Variants in RBM12 observed in about 807,000 individuals in gnomAD.
RBM12 encodes RNA binding motif protein 12, also known as RNA-binding protein 12.
A neutral mutation model predicts 37.2 loss-of-function variants in RBM12; 24 were observed. The observed-to-expected ratio is 0.65, with a 90% confidence interval of 0.47 to 0.91. The LOEUF is 0.91. RBM12 is among the 40% of genes least tolerant of loss of function. The probability of loss-of-function intolerance (pLI) is 0.00; values close to 1 mark genes in which losing one functional copy is unlikely to be tolerated. For missense variants in RBM12, 1,061 were observed against 1,183.2 expected (o/e 0.90, Z 1.52); for synonymous variants, 420 against 425.2 (o/e 0.99, Z 0.15).
intron 2 of RBM12, 122 bp downstream of exon 2, chr20:35,658,808 C>T: frequency 9.9e-6 from 4 of 403,812 alleles, no homozygotes; most frequent in South Asian, 2.5e-5. Flanking sequence ...CAAAAACACA[C>T]ACACACACAC....
At chr20:35,664,640 C>G (rs528535661) in intron 1 of RBM12, 120 bp downstream of exon 1, 2 of 152,638 alleles carry the variant, frequency 1.3e-5, no homozygotes, top group South Asian at 2.1e-4. Flanking sequence ...TGCCTCGACC[C>G]TTTGTGTGGG....
Position 35,653,223 on chromosome 20 carries a change from T to C in RBM12, c.2100A>G (p.Ala700=), listed in dbSNP as rs1016477529. 1.9e-6 allele frequency: 3 copies of C among 1,613,590 alleles called. No homozygotes were observed. Among genetic ancestry groups the C allele is most frequent in the Non-Finnish European group, 2.5e-6 (3 of 1,179,952 alleles). Residue 700 remains alanine (A), a synonymous_variant, in exon 3 of 3, where the codon GCA becomes GCG. Transcript: ENST00000374114. ...TCAGGAAGGCATGCTCTTCACCTCCTGCACTAGGTATTCCTGCACTGGGCA... is the reference window on the plus strand; with the variant it reads ...TCAGGAAGGCATGCTCTTCACCTCCCGCACTAGGTATTCCTGCACTGGGCA... ...AGMPSAGIPS[A]GGEEHAFLTV...
intron 2 of RBM12, among the ~76,000 whole-genome samples, chr20:35,658,535 T>C (rs2034036646): frequency 6.6e-6 from 1 of 151,760 alleles, no homozygotes; most frequent in Admixed American, 6.6e-5. Flanking sequence ...CTAAGGCAGG[T>C]GGATCACAAG....
intron 2 of RBM12, 32 bp from the exon 3 acceptor site, chr20:35,655,376 G>A: frequency 6.6e-7 from 1 of 1,524,200 alleles, no homozygotes; most frequent in Non-Finnish European, 8.8e-7. Context: ...GGCCAGGTCA[G>A]ACTCCTGTTT....
rs771474562 is a variant in RBM12, at chr20:35,653,064, A to G, written c.2259T>C (p.Gly753=). 4 of 1,613,952 alleles carry G rather than the reference A, an allele frequency of 2.5e-6. No homozygotes were observed. In the Admixed American group the frequency reaches 6.7e-5, roughly 27 times the overall value. Residue 753 remains glycine (G), a synonymous_variant, in exon 3 of 3, where the codon GGT becomes GGC. Coordinates refer to ENST00000374114, the MANE Select transcript of RBM12 (RefSeq NM_006047.6). ...AACCACTGTTTCCAACTGAAGGCAT[A>G]CCAGGCCTAGCATCACCAAAGGCCC... is the stretch of plus-strand genomic sequence containing the variant. The part of the protein sequence containing the change: ...GGGAFGDARP[G]MPSVGNSGLP...
In RBM12 at chr20:35,652,616, C is replaced by T. The variant is rs2033597960; in HGVS notation, c.2707G>A (p.Ala903Thr). 6.2e-7 allele frequency: 1 copy of T among 1,614,114 alleles called. No homozygotes were observed. Among genetic ancestry groups the T allele is most frequent in the Non-Finnish European group, 8.5e-7 (1 of 1,179,982 alleles). Residue 903 changes from alanine to threonine, a missense_variant, in exon 3 of 3, where the codon GCC becomes ACC. Physicochemically the swap from Ala to Thr is moderately conservative, Grantham distance 58. This residue lies in a region of RBM12 where 517 missense variants were observed against 534.0 expected (regional missense o/e 0.97). Coordinates refer to ENST00000374114, the MANE Select transcript of RBM12 (RefSeq NM_006047.6). Reference sequence around the variant, plus strand: ...GTGGCTTCATCCCGAGACTCAAAGGCCACCATGGCTTCACCTGTGGGCATA... The same window carrying T: ...GTGGCTTCATCCCGAGACTCAAAGGTCACCATGGCTTCACCTGTGGGCATA... Reference protein sequence around the residue: ...KGMPTGEAMVAFESRDEATAA... With the variant: ...KGMPTGEAMVTFESRDEATAA...
At chr20:35,662,548 T>C (rs1171383600) in intron 1 of RBM12, among the ~76,000 whole-genome samples, 1 of 152,272 alleles carries the variant, frequency 6.6e-6, no homozygotes, top group Non-Finnish European at 1.5e-5. Flanking sequence ...CATCAGTCTC[T>C]GCATTTTAGG....
chr20:35,653,660 T>C lies in RBM12; in HGVS notation c.1663A>G (p.Ile555Val). The C allele has an allele frequency of 1.2e-6, 2 of 1,614,214 alleles. No individual in the cohort carries two copies. Among genetic ancestry groups the C allele is most frequent in the Non-Finnish European group, 1.7e-6 (2 of 1,180,044 alleles). ...CAHITNIPFS[I>V]TKMDVLQFLE... The stretch of plus-strand genomic sequence containing the variant: ...AACTGAAGAACATCCATCTTTGTAA[T>C]GCTGAATGGAATATTTGTTATGTGG... Residue 555 changes from isoleucine to valine, a missense_variant, in exon 3 of 3, where the codon ATT becomes GTT. By Grantham distance (29) the Ile-to-Val change is conservative. This residue lies in a region of RBM12 where 517 missense variants were observed against 534.0 expected (regional missense o/e 0.97). Transcript: ENST00000374114.
Position 35,654,416 on chromosome 20 carries a change from C to A in RBM12, c.907G>T (p.Asp303Tyr). Reference protein sequence around the residue: ...SVKPLPINPDDLYVSVHGMPF... With the variant: ...SVKPLPINPDYLYVSVHGMPF... ...ATTCCATGCACACTGACATACAGAT[C>A]ATCAGGGTTGATGGGGAGTGGCTTC... Residue 303 changes from aspartate (D) to tyrosine (Y), a missense_variant, in exon 3 of 3, where the codon GAT (aspartate) becomes TAT (tyrosine). Physicochemically the swap from Asp to Tyr is radical, Grantham distance 160. Around this residue, in one of 3 missense-constraint regions of RBM12, gnomAD observed 540 missense variants for 632.7 expected, o/e 0.85. Coordinates refer to ENST00000374114, the MANE Select transcript of RBM12 (RefSeq NM_006047.6). The A allele has an allele frequency of 6.2e-7, 1 of 1,614,184 alleles. No individual in the cohort carries two copies. Among genetic ancestry groups the A allele is most frequent in the Non-Finnish European group, 8.5e-7 (1 of 1,180,026 alleles).
chr20:35,654,107 G>T lies in RBM12; in HGVS notation c.1216C>A (p.Gln406Lys). ...GGCGATTTTGACCTGGGAAGTGTCT[G>T]AGGAGGGGGATGAGTTTGTCCAGAA... ...GPSGQTHPPP[Q>K]TLPRSKSPSG... Residue 406 changes from glutamine to lysine, a missense_variant, in exon 3 of 3, where the codon CAG becomes AAG. Coordinates refer to ENST00000374114, the MANE Select transcript of RBM12 (RefSeq NM_006047.6). The T allele has an allele frequency of 1.2e-6, 2 of 1,614,226 alleles. No individual in the cohort carries two copies. Among genetic ancestry groups the T allele is most frequent in the Admixed American group, 1.7e-5 (1 of 60,030 alleles).
Position 35,657,679 on chromosome 20 carries a change from G to A in RBM12, c.-23+1251C>T, listed in dbSNP as rs117874477. On this transcript the variant is annotated intron_variant, in intron 2 of 2. Transcript: ENST00000374114. ...CTGCCTCAGATTACCAGCTGGAAAG[G>A]GCTGAATATTAAACCAAAGTGGAAT... is the stretch of plus-strand genomic sequence containing the variant. Among the ~76,000 whole-genome samples the A allele has an allele frequency of 2.8e-4, 42 of 152,262 alleles. No homozygotes were observed. In the East Asian group the frequency reaches 7.9e-3, roughly 29 times the overall value.
At chr20:35,657,927 T>A (rs1201390877) in intron 2 of RBM12, among the ~76,000 whole-genome samples, 1 of 152,092 alleles carries the variant, frequency 6.6e-6, no homozygotes, top group African/African-American at 2.4e-5. Context: ...CTGGGCATGG[T>A]GGCAGGTGCC....
rs148065643 is a variant in RBM12, at chr20:35,653,704, T to G, written c.1619A>C (p.Asn540Thr). The change falls in exon 3 of 3, where the codon AAC becomes ACC. Residue 540 changes from asparagine to threonine, a missense_variant. Asn to Thr is a moderately conservative substitution (Grantham distance 65). This residue lies in a region of RBM12 where 517 missense variants were observed against 534.0 expected (regional missense o/e 0.97). Transcript: ENST00000374114. Reference protein sequence around the residue: ...EMILNPEGDVNSAKVCAHITN... With the variant: ...EMILNPEGDVTSAKVCAHITN... ...TATGTGGGCACAGACTTTGGCAGAG[T>G]TGACATCCCCCTCTGGATTTAGTAT... 1 of 1,614,180 alleles carries G rather than the reference T, an allele frequency of 6.2e-7. No homozygotes were observed. Among genetic ancestry groups the G allele is most frequent in the Non-Finnish European group, 8.5e-7 (1 of 1,180,024 alleles).
intron 2 of RBM12, 126 bp downstream of exon 2, chr20:35,658,800 AAAAC>A (rs1276234160): frequency 2.4e-4 from 117 of 481,406 alleles, no homozygotes; most frequent in Non-Finnish European, 3.4e-4. Context: ...CAAGCAAACA[AAAAC>A]ACACACACAC....
Position 35,654,827 on chromosome 20 carries a change from A to G in RBM12, c.496T>C (p.Phe166Leu), listed in dbSNP as rs747021601. Residue 166 changes from phenylalanine to leucine, a missense_variant, in exon 3 of 3, where the codon TTT becomes CTT. By Grantham distance (22) the Phe-to-Leu change is conservative. Transcript: ENST00000374114. ...GTTGAGCTAAACGTTGGGCTCCCAA[A>G]GGAAGCCCCCATATTTGGAGGAGCT... ...GTAPPNMGAS[F>L]GSPTFSSTVP... is the part of the protein sequence containing the mutation. The G allele has an allele frequency of 3.7e-6, 6 of 1,614,096 alleles. No individual in the cohort carries two copies. In the South Asian group the frequency reaches 6.6e-5, roughly 18 times the overall value.
At position 35,652,370 on chromosome 20, in the gene RBM12, T is replaced by G. The variant is rs1010631135; in HGVS notation, c.*154A>C. The G allele has an allele frequency of 1.2e-6, 1 of 829,434 alleles. No individual in the cohort carries two copies. Among genetic ancestry groups the G allele is most frequent in the African/African-American group, 1.7e-5 (1 of 58,436 alleles). The allele number at this position is 829,434 out of a possible 1,614,324, so 51.4% of individuals were successfully genotyped here. On this transcript the variant is annotated 3_prime_UTR_variant, in exon 3 of 3. Coordinates refer to ENST00000374114, the MANE Select transcript of RBM12 (RefSeq NM_006047.6). Reference sequence around the variant, plus strand: ...TGTTTATCCTGGTGAGTGAGTCTTCTGTAAACAGTCAACCAATGCTCTATG... The same window carrying G: ...TGTTTATCCTGGTGAGTGAGTCTTCGGTAAACAGTCAACCAATGCTCTATG...
At position 35,651,742 on chromosome 20, in the gene RBM12, G is replaced by A. The variant is rs558479267; in HGVS notation, c.*782C>T. 5.9e-5 allele frequency: 9 copies of A among 152,640 alleles called. No homozygotes were observed. The highest frequency in any genetic ancestry group is 1.2e-4 in the Non-Finnish European group (8 of 68,018). The allele number at this position is 152,640 out of a possible 1,614,324, so 9.5% of individuals were successfully genotyped here. A position where few individuals can be genotyped will look rare whatever the true frequency, so the allele number is the denominator to read the frequency against. On this transcript the variant is annotated 3_prime_UTR_variant, in exon 3 of 3. Coordinates refer to ENST00000374114, the MANE Select transcript of RBM12 (RefSeq NM_006047.6). ...ATTTTTAAACTGACTAACCTAAATC[G>A]TGGCGGTCAAACCAAAAAGGCTCTG...
chr20:35,654,442 A>T lies in RBM12; in HGVS notation c.881T>A (p.Val294Glu). Residue 294 changes from valine to glutamate, a missense_variant, in exon 3 of 3, where the codon GTG (valine) becomes GAG (glutamate). Transcript: ENST00000374114. Reference protein sequence around the residue: ...NPIQMNSQSSVKPLPINPDDL... With the variant: ...NPIQMNSQSSEKPLPINPDDL... ...ATCAGGGTTGATGGGGAGTGGCTTC[A>T]CACTGCTCTGAGAGTTCATCTGGAT... 6.2e-7 allele frequency: 1 copy of T among 1,614,220 alleles called. No homozygotes were observed. Among genetic ancestry groups the T allele is most frequent in the South Asian group, 1.1e-5 (1 of 91,090 alleles).
Position 35,653,431 on chromosome 20 carries a change from G to A in RBM12, c.1892C>T (p.Pro631Leu), listed in dbSNP as rs1419219531. Residue 631 changes from proline (P) to leucine (L), a missense_variant, in exon 3 of 3, where the codon CCC (proline) becomes CTC (leucine). Transcript: ENST00000374114. ...TAATCCCTTTTTTCCTTGGGCAGGGGGATTTTTCTCAATCTCTCTCATATC... is the reference window on the plus strand; with the variant it reads ...TAATCCCTTTTTTCCTTGGGCAGGGAGATTTTTCTCAATCTCTCTCATATC... ...LEDMREIEKN[P>L]PAQGKKGLKM... 2 of 1,614,064 alleles carry A rather than the reference G, an allele frequency of 1.2e-6. No individual in the cohort carries two copies. The highest frequency in any genetic ancestry group is 1.7e-6 in the Non-Finnish European group (2 of 1,179,992).
Sources: allele counts gnomAD v4.1 joint callset (sites outside exome capture counted in the v4.1 genomes callset), GRCh38; gene constraint gnomAD v4.1.1; regional missense constraint gnomAD v4.1.1; transcripts MANE v1.5; gene names NCBI Gene and HGNC (gene_info 2026-07-23, HGNC 2026-07-21).